RASA2: variants seen among roughly 807,000 people sequenced by gnomAD.
RASA2 encodes the protein RAS p21 protein activator 2, also known as ras GTPase-activating protein 2.
RASA2 carries 155 observed loss-of-function variants against 118.2 expected under a neutral mutation model. The ratio of observed to expected loss-of-function variants is 1.31; its 90% CI spans 1.15 to 1.50. RASA2 has a LOEUF of 1.50. Ranked by LOEUF, RASA2 falls within the 40% of genes most tolerant of loss-of-function variation. The pLI, the probability that RASA2 is intolerant of heterozygous loss-of-function variation, is 0.00. For synonymous variants in RASA2, 353 were observed against 349.1 expected (o/e 1.01, Z -0.12); for missense variants, 1,016 against 1,009.6 (o/e 1.01, Z -0.09).
In RASA2 at chr3:141,512,176, T is replaced by A. The variant is rs1346023175; in HGVS notation, c.147T>A (p.Asn49Lys). The A allele has an allele frequency of 1.9e-6, 3 of 1,607,272 alleles. No homozygotes were observed. The highest frequency in any genetic ancestry group is 2.5e-6 in the Non-Finnish European group (3 of 1,177,630). ...TTATGCCAACAGGTGAAGCAAAAAA[T>A]TTATTGCCATATCTTGGACCCCACA... ...SLRGKICEAK[N>K]LLPYLGPHKM... is the part of the protein sequence containing the mutation. Residue 49 changes from asparagine (N) to lysine (K), a missense_variant, in exon 2 of 24, where the codon AAT becomes AAA. Physicochemically the swap from Asn to Lys is moderately conservative, Grantham distance 94 (BLOSUM62 0). This residue lies in a region of RASA2 where 896 missense variants were observed against 836.4 expected (regional missense o/e 1.07). Coordinates refer to ENST00000286364, the MANE Select transcript of RASA2 (RefSeq NM_006506.5).
chr3:141,552,153 T>C (rs948149701), intron 5 of RASA2, among the ~76,000 whole-genome samples: 2 of 152,136 alleles, frequency 1.3e-5, no homozygotes, highest in Non-Finnish European at 2.9e-5. Context: ...GTGTTTTGGT[T>C]TGTGGGTATT....
At chr3:141,599,976 A>G (rs2083438751) in intron 19 of RASA2, among the ~76,000 whole-genome samples, 3 of 152,236 alleles carry the variant, frequency 2.0e-5, no homozygotes, top group Admixed American at 2.0e-4. Context: ...CAGATTACTT[A>G]AATACCAGAT....
intron 5 of RASA2, among the ~76,000 whole-genome samples, chr3:141,553,173 G>A (rs1465180878): frequency 6.6e-6 from 1 of 152,176 alleles, no homozygotes; most frequent in Admixed American, 6.5e-5. Flanking sequence ...AGATTTTTAA[G>A]TGGAAGCTGC....
chr3:141,588,095 A>C (rs2107778638), intron 19 of RASA2, among the ~76,000 whole-genome samples: 1 of 152,324 alleles, frequency 6.6e-6, no homozygotes, highest in African/African-American at 2.4e-5. Context: ...TAGATACTTG[A>C]AAAGTAATTC....
rs966800711 is a variant in RASA2 at position 141,542,880 on chromosome 3, T to C, written c.527+2271T>C. On this transcript the variant is annotated intron_variant, in intron 5 of 23. Coordinates refer to ENST00000286364, the MANE Select transcript of RASA2 (RefSeq NM_006506.5). ...GTTATGTGAATGGAATCTTATAATATGTGACCTTTTGAGATTGGCTTTTTT... is the reference window on the plus strand; with the variant it reads ...GTTATGTGAATGGAATCTTATAATACGTGACCTTTTGAGATTGGCTTTTTT... Among the ~76,000 whole-genome samples, 11 of 152,228 alleles carry C rather than the reference T, an allele frequency of 7.2e-5. 1 individual carries two copies.
rs2083584388 is a variant in RASA2, at chr3:141,608,520, T to C, written c.2048T>C (p.Leu683Pro). ...MFQVIHTEKP[L>P]YVQANNCVEA... ...CAAGTAATACATACGGAGAAACCAC[T>C]CTATGTCCAGGCAAATAACTGTGTA... Residue 683 changes from leucine to proline, a missense_variant, in exon 21 of 24, where the codon CTC becomes CCC. By Grantham distance (98) the Leu-to-Pro change is moderately conservative (BLOSUM62 -3). Coordinates refer to ENST00000286364, the MANE Select transcript of RASA2 (RefSeq NM_006506.5). The C allele has an allele frequency of 1.2e-6, 2 of 1,613,964 alleles. No homozygotes were observed. The highest frequency in any genetic ancestry group is 1.1e-5 in the South Asian group (1 of 91,082).
chr3:141,535,780 C>T (rs950943882), intron 4 of RASA2, among the ~76,000 whole-genome samples: 2 of 152,140 alleles, frequency 1.3e-5, no homozygotes, highest in Non-Finnish European at 2.9e-5. Flanking sequence ...GCAAGACGCA[C>T]TTATCACCAA....
intron 11 of RASA2, among the ~76,000 whole-genome samples, chr3:141,571,917 C>G (rs909555711): frequency 6.6e-6 from 1 of 151,402 alleles, no homozygotes; most frequent in African/African-American, 2.4e-5. Context: ...AAAAAGCAGT[C>G]AAGTGACTTC....
Position 141,586,691 on chromosome 3 carries a change from G to A in RASA2, c.1872G>A (p.Lys624=), listed in dbSNP as rs775043780. ...AAGGAAGAACTCGGATTGGAAAAAAGAATTTTAAGAAACGATGGTTCTGCT... is the reference window on the plus strand; with the variant it reads ...AAGGAAGAACTCGGATTGGAAAAAAAAATTTTAAGAAACGATGGTTCTGCT... ...RAQGRTRIGK[K]NFKKRWFCLT... The change falls in exon 19 of 24, where the codon AAG becomes AAA. Residue 624 remains lysine, a synonymous_variant. Coordinates refer to ENST00000286364, the MANE Select transcript of RASA2 (RefSeq NM_006506.5). 1 of 1,613,618 alleles carries A rather than the reference G, an allele frequency of 6.2e-7. No homozygotes were observed. Among genetic ancestry groups the A allele is most frequent in the Non-Finnish European group, 8.5e-7 (1 of 1,179,728 alleles).
At chr3:141,492,337 CTT>C (rs1478333177) in intron 1 of RASA2, among the ~76,000 whole-genome samples, 2 of 152,138 alleles carry the variant, frequency 1.3e-5, no homozygotes, top group South Asian at 2.1e-4. Context: ...GTTCTATTCT[CTT>C]TTGAGAACTG....
intron 4 of RASA2, among the ~76,000 whole-genome samples, chr3:141,534,116 C>T (rs2082295240): frequency 6.6e-6 from 1 of 152,170 alleles, no homozygotes; most frequent in African/African-American, 2.4e-5. Flanking sequence ...TTCTATAAAT[C>T]CTCTTTTGGC....
Position 141,579,093 on chromosome 3 carries a change from C to T in RASA2, c.1591-1275C>T, listed in dbSNP as rs557567721. The stretch of plus-strand genomic sequence containing the variant: ...TATTCTGGTCATCTCTTCCCCTTCA[C>T]ATTCATTGCCTGTTTTCAATGTGGG... On this transcript the variant is annotated intron_variant, in intron 15 of 23. Transcript: ENST00000286364. 3.3e-3 allele frequency among the ~76,000 whole-genome samples: 509 copies of T among 152,210 alleles called. 1 individual carries two copies. Among genetic ancestry groups the T allele is most frequent in the Non-Finnish European group, 6.1e-3 (414 of 68,002 alleles).
intron 9 of RASA2, among the ~76,000 whole-genome samples, chr3:141,569,297 A>G (rs2082874220): frequency 6.6e-6 from 1 of 152,054 alleles, no homozygotes. Flanking sequence ...CAATTTTTTA[A>G]CTCCTGGAAC....
intron 1 of RASA2, among the ~76,000 whole-genome samples, chr3:141,509,495 G>A (rs1302177393): frequency 2.0e-5 from 3 of 152,154 alleles, no homozygotes; most frequent in African/African-American, 7.2e-5. Context: ...TAGATATGGA[G>A]CATATTTATT....
chr3:141,493,633 A>G (rs1225433255), intron 1 of RASA2, among the ~76,000 whole-genome samples: 3 of 152,230 alleles, frequency 2.0e-5, no homozygotes, highest in Non-Finnish European at 4.4e-5. Context: ...AAAGGTTGGT[A>G]TAGTTACAGT....
chr3:141,529,911 T>C, intron 4 of RASA2, 109 bp downstream of exon 4: 2 of 801,990 alleles, frequency 2.5e-6, no homozygotes, highest in Non-Finnish European at 3.9e-6. Flanking sequence ...TTATTTTAAA[T>C]TCTAGCATCA....
At chr3:141,555,506 A>C (rs1297635361) in intron 6 of RASA2, among the ~76,000 whole-genome samples, 1 of 152,066 alleles carries the variant, frequency 6.6e-6, no homozygotes, top group Non-Finnish European at 1.5e-5. Flanking sequence ...AACATAGATG[A>C]AGGTGCTCTA....
chr3:141,612,162 C>A, intron 23 of RASA2, 121 bp from the exon 24 acceptor site: 1 of 745,632 alleles, frequency 1.3e-6, no homozygotes, highest in Non-Finnish European at 2.2e-6. Flanking sequence ...ATTAATGAAA[C>A]AACATTTGGC....
At chr3:141,572,061 T>TATATAC (rs1250945462) in intron 11 of RASA2, among the ~76,000 whole-genome samples, 106 of 98,220 alleles carry the variant, frequency 1.1e-3, no homozygotes, top group South Asian at 1.9e-3. Context: ...TATATATATA[T>TATATAC]ACACACACAC....
Sources: allele counts gnomAD v4.1 joint callset (sites outside exome capture counted in the v4.1 genomes callset), GRCh38; gene constraint gnomAD v4.1.1; regional missense constraint gnomAD v4.1.1; transcripts MANE v1.5; gene names NCBI Gene and HGNC (gene_info 2026-07-23, HGNC 2026-07-21).